The following CAPN7 variants were observed in gnomAD, a reference collection of about 807,000 sequenced individuals.
CAPN7 encodes the protein calpain-7.
In CAPN7, 72 loss-of-function variants were observed where a neutral mutation model predicts 115.2. The observed-to-expected ratio is 0.63, with a 90% CI of 0.52 to 0.76. CAPN7 has a LOEUF of 0.76. CAPN7 is among the 30% of genes least tolerant of loss of function. The pLI, the probability that CAPN7 is intolerant of heterozygous loss-of-function variation, is 0.00. For missense variants in CAPN7, 905 were observed against 971.5 expected (o/e 0.93, Z 0.91); for synonymous variants, 344 against 322.3 (o/e 1.07, Z -0.72).
intron 1 of CAPN7, among the ~76,000 whole-genome samples, chr3:15,208,862 C>T (rs1335306992): frequency 1.3e-5 from 2 of 152,158 alleles, no homozygotes; most frequent in Non-Finnish European, 2.9e-5. Context: ...GGAGCTGTGT[C>T]CTCATGATAG....
chr3:15,206,457 A>G lies in CAPN7; in HGVS notation c.-39A>G, dbSNP rs373421265. On this transcript the variant is annotated 5_prime_UTR_variant, in exon 1 of 21. Coordinates refer to ENST00000253693, the MANE Select transcript of CAPN7 (RefSeq NM_014296.3). The stretch of plus-strand genomic sequence containing the variant: ...AGTCCGCGAAGAGCCGTCCTGCGTC[A>G]GGGCCTCCTTCCCTGCCCCGGCGCG... The G allele has an allele frequency of 2.1e-6, 3 of 1,460,660 alleles. No individual in the cohort carries two copies. The highest frequency in any genetic ancestry group is 1.5e-5 in the African/African-American group (1 of 68,654). 90.5% of individuals were successfully genotyped at this position (1,460,660 alleles called of 1,614,324 possible). A position where few individuals can be genotyped will look rare whatever the true frequency, so the allele number is the denominator to read the frequency against.
chr3:15,224,704 A>G (rs1694210611), intron 6 of CAPN7, among the ~76,000 whole-genome samples: 1 of 151,654 alleles, frequency 6.6e-6, no homozygotes, highest in African/African-American at 2.4e-5. Context: ...GTACTTTTTT[A>G]TTTTTCAAAA....
In CAPN7 at chr3:15,218,526, A is replaced by G; in HGVS notation, c.423A>G (p.Arg141=). 6.2e-7 allele frequency: 1 copy of G among 1,613,046 alleles called. No individual in the cohort carries two copies. Among genetic ancestry groups the G allele is most frequent in the Non-Finnish European group, 8.5e-7 (1 of 1,179,012 alleles). The change falls in exon 4 of 21, where the codon CGA becomes CGG. Residue 141 remains arginine, a synonymous_variant. Coordinates refer to ENST00000253693, the MANE Select transcript of CAPN7 (RefSeq NM_014296.3). Reference sequence around the variant, plus strand: ...AAAATAAACTGAAACAGTTGGCTCGACAGGCACTAGACAGGTGAGTTTGAT... The same window carrying G: ...AAAATAAACTGAAACAGTTGGCTCGGCAGGCACTAGACAGGTGAGTTTGAT... ...VLQNKLKQLA[R]QALDRAEALS...
rs747376419 is a variant in CAPN7 at position 15,240,476 on chromosome 3, C to T, written c.1411C>T (p.Leu471=). 20 of 1,609,136 alleles carry T rather than the reference C, an allele frequency of 1.2e-5. No individual in the cohort carries two copies. Among genetic ancestry groups the T allele is most frequent in the Non-Finnish European group, 2.5e-6 (3 of 1,179,004 alleles). The change falls in exon 13 of 21, where the codon CTG becomes TTG. Residue 471 remains leucine (L), a synonymous_variant. Coordinates refer to ENST00000253693, the MANE Select transcript of CAPN7 (RefSeq NM_014296.3). ...CTCCTGTTTCTTTTTTATATAGGGG[C>T]TGCGATTTATCCAGTTGAAAAATCC... is the stretch of plus-strand genomic sequence containing the variant. ...AVLDIREFKG[L]RFIQLKNPWS...
At chr3:15,240,322 A>G in intron 12 of CAPN7, 151 bp from the exon 13 acceptor site, 1 of 711,252 alleles carries the variant, frequency 1.4e-6, no homozygotes, top group Non-Finnish European at 2.3e-6. Context: ...TGATCGATGT[A>G]TGACCTGGTG....
rs1695977290 is a variant in CAPN7 at position 15,251,025 on chromosome 3, T to G, written c.2297+2T>G. On this transcript the variant is annotated splice_donor_variant, in intron 20 of 20. Transcript: ENST00000253693. LOFTEE classifies it high-confidence loss of function. ...GAGGAAATCTAGTGGTGACTATAGG[T>G]AATGTTGGCATTTTTATTGTATCTA... is the stretch of plus-strand genomic sequence containing the variant. The G allele has an allele frequency of 6.2e-7, 1 of 1,608,994 alleles. No individual in the cohort carries two copies. Among genetic ancestry groups the G allele is most frequent in the African/African-American group, 1.3e-5 (1 of 74,728 alleles).
intron 9 of CAPN7, among the ~76,000 whole-genome samples, chr3:15,230,739 A>T (rs572905253): frequency 6.6e-6 from 1 of 152,316 alleles, no homozygotes; most frequent in South Asian, 2.1e-4. Context: ...TGTTTTTTAA[A>T]TGGTTTTGAG....
At chr3:15,245,913 A>G (rs1050733700) in intron 17 of CAPN7, 2 of 379,258 alleles carry the variant, frequency 5.3e-6, no homozygotes, top group East Asian at 4.9e-5. Flanking sequence ...CCCCGTGGTA[A>G]TATAGTATGT....
At chr3:15,242,895 A>C (rs1695434628) in intron 16 of CAPN7, among the ~76,000 whole-genome samples, 1 of 152,244 alleles carries the variant, frequency 6.6e-6, no homozygotes, top group Non-Finnish European at 1.5e-5. Context: ...AGTGAGAGAA[A>C]CTATCTTAAG....
intron 5 of CAPN7, among the ~76,000 whole-genome samples, chr3:15,222,043 T>G (rs1342131110): frequency 4.0e-5 from 6 of 150,628 alleles, no homozygotes; most frequent in African/African-American, 1.5e-4. Context: ...ATATGTAAAG[T>G]TTTTCTTTGA....
At chr3:15,218,692 A>T (rs747927458) in intron 4 of CAPN7, 152 bp downstream of exon 4, 1 of 657,400 alleles carries the variant, frequency 1.5e-6, no homozygotes, top group Non-Finnish European at 2.7e-6. Context: ...TAGTGAATTT[A>T]CCTCCTCTCT....
chr3:15,223,880 CTGAA>C (rs1451573991), intron 6 of CAPN7, among the ~76,000 whole-genome samples: 2 of 152,084 alleles, frequency 1.3e-5, no homozygotes, highest in East Asian at 3.8e-4. Context: ...AGTAAAGAAA[CTGAA>C]TGGAAAAGGG....
intron 2 of CAPN7, among the ~76,000 whole-genome samples, chr3:15,216,032 G>C (rs767212654): frequency 6.6e-6 from 1 of 152,028 alleles, no homozygotes; most frequent in Non-Finnish European, 1.5e-5. Context: ...AGGTTGCAGT[G>C]AGCTGAGATC....
At chr3:15,223,258 C>T (rs1694109429) in intron 5 of CAPN7, among the ~76,000 whole-genome samples, 1 of 151,980 alleles carries the variant, frequency 6.6e-6, no homozygotes, top group Non-Finnish European at 1.5e-5. Flanking sequence ...GGGTGTTAGC[C>T]TTTAAAGAAT....
chr3:15,247,466 T>G lies in CAPN7; in HGVS notation c.2204+9T>G. The G allele has an allele frequency of 6.3e-7, 1 of 1,576,616 alleles. No individual in the cohort carries two copies. Among genetic ancestry groups the G allele is most frequent in the Non-Finnish European group, 8.6e-7 (1 of 1,167,020 alleles). ...GAGCTACGAGGACCAAGGTTTGTGATGAGTAACTTTCTTAAATTAATGATG... is the reference window on the plus strand; with the variant it reads ...GAGCTACGAGGACCAAGGTTTGTGAGGAGTAACTTTCTTAAATTAATGATG... On this transcript the variant is annotated intron_variant, in intron 19 of 20. Transcript: ENST00000253693.
In CAPN7 at chr3:15,210,596, C is replaced by CT. The variant is rs371169868; in HGVS notation, c.103-1491dup. Among the ~76,000 whole-genome samples, 532 of 104,406 alleles carry CT rather than the reference C, an allele frequency of 5.1e-3. 8 individuals are homozygous for CT. The highest frequency in any genetic ancestry group is 6.6e-3 in the Admixed American group (67 of 10,204). The allele number at this position is 104,406 out of a possible 152,430, so 68.5% of individuals were successfully genotyped here. On this transcript the variant is annotated intron_variant, in intron 1 of 20. Transcript: ENST00000253693. ...TTTTCATTCCTTCCTTGCTTCCTTC[C>CT]TTTTTTTTTTTTTTTTTGGACAGTA...
Position 15,229,561 on chromosome 3 carries a change from C to CTTTTTTTTTTTTTT in CAPN7, c.938+517_938+530dup, listed in dbSNP as rs566957976. The stretch of plus-strand genomic sequence containing the variant: ...CATCAAAATTGGTTTTACTTTTTTT[C>CTTTTTTTTTTTTTT]TTTTTTTTTTTTTTTTTTTTTTTTT... On this transcript the variant is annotated intron_variant, in intron 8 of 20. Coordinates refer to ENST00000253693, the MANE Select transcript of CAPN7 (RefSeq NM_014296.3). Among the ~76,000 whole-genome samples the CTTTTTTTTTTTTTT allele has an allele frequency of 1.6e-4, 14 of 87,874 alleles. 1 individual carries two copies. The highest frequency in any genetic ancestry group is 5.8e-4 in the African/African-American group (14 of 24,270). The allele number at this position is 87,874 out of a possible 152,430, so 57.6% of individuals were successfully genotyped here. A position where few individuals can be genotyped will look rare whatever the true frequency, so the allele number is the denominator to read the frequency against.
intron 2 of CAPN7, among the ~76,000 whole-genome samples, chr3:15,216,880 C>G (rs559500305): frequency 6.6e-6 from 1 of 152,000 alleles, no homozygotes; most frequent in Non-Finnish European, 1.5e-5. Flanking sequence ...TATTCTTTAT[C>G]TCTGATGTCT....
chr3:15,216,253 C>T (rs758523022), intron 2 of CAPN7, among the ~76,000 whole-genome samples: 5 of 152,050 alleles, frequency 3.3e-5, no homozygotes, highest in Non-Finnish European at 7.3e-5. Context: ...TTTCACAGTT[C>T]CATCAGCAGT....
Sources: gnomAD v4.1 joint callset for allele counts (sites outside exome capture counted in the v4.1 genomes callset) on GRCh38, gnomAD v4.1.1 for gene constraint, MANE v1.5 for transcripts, NCBI Gene and HGNC (gene_info 2026-07-23, HGNC 2026-07-21) for gene names.